RNF130: variants seen among roughly 807,000 people sequenced by gnomAD.
The protein encoded by RNF130 is E3 ubiquitin-protein ligase RNF130.
Under a neutral mutation model 44.6 loss-of-function variants are expected in RNF130, and 21 were observed. The ratio of observed to expected loss-of-function variants is 0.47; its 90% CI spans 0.33 to 0.68. The LOEUF (loss-of-function observed/expected upper bound fraction) is 0.68. RNF130 is among the 30% of genes least tolerant of loss of function. The pLI, the probability that RNF130 is intolerant of heterozygous loss-of-function variation, is 0.02. For synonymous variants in RNF130, 214 were observed against 210.4 expected (o/e 1.02, Z -0.15); for missense variants, 479 against 560.6 (o/e 0.85, Z 1.47).
rs139030404 is a variant in RNF130, at chr5:180,055,290, A to C, written c.248-14643T>G. On this transcript the variant is annotated intron_variant, in intron 1 of 8. Coordinates refer to ENST00000521389, the MANE Select transcript of RNF130 (RefSeq NM_018434.6). Reference sequence around the variant, plus strand: ...AAAAAAAAAAAAAAAACAAAAAAAAACAGCAAACAAACAAAAAATGCAATT... The same window carrying C: ...AAAAAAAAAAAAAAAACAAAAAAAACCAGCAAACAAACAAAAAATGCAATT... 1.4e-3 allele frequency among the ~76,000 whole-genome samples: 136 copies of C among 100,034 alleles called. 9 individuals carry two copies. Among genetic ancestry groups the C allele is most frequent in the East Asian group, 3.4e-3 (9 of 2,636 alleles). 65.6% of individuals were successfully genotyped at this position (100,034 alleles called of 152,430 possible).
chr5:179,926,733 T>A (rs1379703282), intron 7 of RNF130, among the ~76,000 whole-genome samples: 1 of 152,138 alleles, frequency 6.6e-6, no homozygotes, highest in South Asian at 2.1e-4. Flanking sequence ...GAGGGGGCGG[T>A]GGGCACCCTG....
At chr5:180,067,956 T>C (rs1765145033) in intron 1 of RNF130, among the ~76,000 whole-genome samples, 1 of 152,232 alleles carries the variant, frequency 6.6e-6, no homozygotes, top group Non-Finnish European at 1.5e-5. Flanking sequence ...TTTTTAAACA[T>C]GAAAACCTAA....
intron 1 of RNF130, among the ~76,000 whole-genome samples, chr5:180,057,319 C>T (rs1256457986): frequency 2.6e-5 from 4 of 152,284 alleles, no homozygotes; most frequent in East Asian, 3.9e-4. Context: ...GAGGCCGAGG[C>T]GGGAGGATCA....
chr5:180,059,093 C>G (rs556254190), intron 1 of RNF130, among the ~76,000 whole-genome samples: 1 of 152,308 alleles, frequency 6.6e-6, no homozygotes, highest in African/African-American at 2.4e-5. Context: ...ACTTTTTCAA[C>G]TCTACTGTGC....
At chr5:180,063,995 C>T (rs150158538) in intron 1 of RNF130, among the ~76,000 whole-genome samples, 45 of 152,282 alleles carry the variant, frequency 3.0e-4, no homozygotes, top group East Asian at 2.9e-3. Context: ...TCACACTGTG[C>T]CCAATTCCAT....
chr5:179,956,089 G>T lies in RNF130; in HGVS notation c.1245-420C>A, dbSNP rs778346178. On this transcript the variant is annotated intron_variant, in intron 8 of 8. Transcript: ENST00000521389. ...TCACTTATTTTGAAGTGATAGGGATGTATGGCTGTCTCACAGGAATCCTCC... is the reference window on the plus strand; with the variant it reads ...TCACTTATTTTGAAGTGATAGGGATTTATGGCTGTCTCACAGGAATCCTCC... 71 of 157,902 alleles carry T rather than the reference G, an allele frequency of 4.5e-4. 1 individual carries two copies. Among genetic ancestry groups the T allele is most frequent in the Non-Finnish European group, 8.5e-4 (61 of 72,002 alleles). The allele number at this position is 157,902 out of a possible 1,614,324, so 9.8% of individuals were successfully genotyped here.
chr5:180,029,361 C>T (rs999405775), intron 2 of RNF130, among the ~76,000 whole-genome samples: 1 of 152,146 alleles, frequency 6.6e-6, no homozygotes, highest in African/African-American at 2.4e-5. Flanking sequence ...CAGGCAGCAT[C>T]TCCACTGAGA....
chr5:179,975,197 C>T (rs758402776), intron 5 of RNF130, among the ~76,000 whole-genome samples: 1 of 152,222 alleles, frequency 6.6e-6, no homozygotes, highest in Non-Finnish European at 1.5e-5. Context: ...GGCGGGGAGG[C>T]GTCCCAAGGC....
intron 1 of RNF130, among the ~76,000 whole-genome samples, chr5:180,064,881 T>C (rs1356478705): frequency 6.6e-6 from 1 of 152,184 alleles, no homozygotes; most frequent in Non-Finnish European, 1.5e-5. Context: ...CATCAGCATA[T>C]AAATATTACA....
At chr5:179,932,692 G>A (rs1561661296) in intron 7 of RNF130, among the ~76,000 whole-genome samples, 4 of 151,928 alleles carry the variant, frequency 2.6e-5, no homozygotes, top group Admixed American at 1.3e-4. Context: ...ACAAAAATTA[G>A]CCAGGCGTGG....
At chr5:179,968,667 T>TAAAA (rs35941932) in intron 6 of RNF130, among the ~76,000 whole-genome samples, 1,543 of 68,038 alleles carry the variant, frequency 0.023, 33 homozygotes, top group African/African-American at 0.067. Flanking sequence ...CTCTGTCTCA[T>TAAAA]AAAAAAAAAA....
intron 2 of RNF130, among the ~76,000 whole-genome samples, chr5:180,036,008 T>C (rs1367819594): frequency 4.6e-5 from 7 of 152,222 alleles, no homozygotes; most frequent in African/African-American, 1.7e-4. Flanking sequence ...GCTAAATCCA[T>C]TATCTGGGAA....
At chr5:179,996,588 C>T (rs1299976361) in intron 3 of RNF130, among the ~76,000 whole-genome samples, 7 of 152,186 alleles carry the variant, frequency 4.6e-5, no homozygotes, top group Admixed American at 4.6e-4. Context: ...TTTTGTTCTT[C>T]ATTCTGTTGA....
At chr5:179,914,798 G>A (rs1257565021) in exon 8 of RNF130, 2 of 152,236 alleles carry the variant, frequency 1.3e-5, no homozygotes, top group African/African-American at 4.8e-5. Flanking sequence ...GAGACACTAA[G>A]GCGGGAGGGT....
intron 1 of RNF130, among the ~76,000 whole-genome samples, chr5:180,041,565 T>C (rs924044927): frequency 1.3e-5 from 2 of 152,176 alleles, no homozygotes; most frequent in African/African-American, 4.8e-5. Flanking sequence ...CCACTCCCAC[T>C]TTCACATTTA....
At chr5:179,966,519 T>C (rs972940447) in intron 7 of RNF130, among the ~76,000 whole-genome samples, 1 of 152,174 alleles carries the variant, frequency 6.6e-6, no homozygotes. Flanking sequence ...TGCCTGTTTG[T>C]AATGCAATGA....
intron 7 of RNF130, among the ~76,000 whole-genome samples, chr5:179,937,412 A>T: frequency 6.6e-6 from 1 of 152,240 alleles, no homozygotes; most frequent in East Asian, 1.9e-4. Flanking sequence ...TCTCCAAAGA[A>T]GATGTATGAG....
At chr5:180,028,062 G>A (rs1764031705) in intron 2 of RNF130, among the ~76,000 whole-genome samples, 1 of 152,222 alleles carries the variant, frequency 6.6e-6, no homozygotes, top group South Asian at 2.1e-4. Context: ...ATGTTGAGCT[G>A]TGCTGTTTTT....
chr5:179,946,537 C>G (rs1194256870), intron 7 of RNF130, among the ~76,000 whole-genome samples: 1 of 151,722 alleles, frequency 6.6e-6, no homozygotes, highest in Non-Finnish European at 1.5e-5. Flanking sequence ...CCGACCAGTA[C>G]AGCACACCCA....
Sources: allele counts gnomAD v4.1 joint callset (sites outside exome capture counted in the v4.1 genomes callset), GRCh38; gene constraint gnomAD v4.1.1; transcripts MANE v1.5; gene names NCBI Gene and HGNC (gene_info 2026-07-23, HGNC 2026-07-21).